The following PC variants were observed in gnomAD, a reference collection of about 807,000 sequenced individuals.
PC encodes pyruvate carboxylase, mitochondrial.
In PC, 46 loss-of-function variants were observed where a neutral mutation model predicts 107.8. The observed-to-expected ratio is 0.43, with a 90% CI of 0.34 to 0.55. The LOEUF (loss-of-function observed/expected upper bound fraction) is 0.55, where lower values mean the gene tolerates loss of function less well. PC is among the 20% of genes least tolerant of loss of function. The pLI is 0.04. For missense variants in PC, 1,241 were observed against 1,643.1 expected (o/e 0.76, Z 4.23); for synonymous variants, 662 against 684.7 (o/e 0.97, Z 0.52).
chr11:66,927,430 C>G (rs771204578), intron 3 of PC, among the ~76,000 whole-genome samples: 1 of 151,476 alleles, frequency 6.6e-6, no homozygotes, highest in Non-Finnish European at 1.5e-5. Context: ...TGTTAAAAAT[C>G]AGCCAGGCAA....
chr11:66,863,677 G>C, intron 12 of PC, 97 bp downstream of exon 12: 6 of 1,305,658 alleles, frequency 4.6e-6, no homozygotes, highest in Non-Finnish European at 6.4e-6. Flanking sequence ...GCAAGGCTGA[G>C]GTGAAGCCAT....
chr11:66,942,305 C>T (rs1459635218), intron 3 of PC, among the ~76,000 whole-genome samples: 3 of 149,778 alleles, frequency 2.0e-5, no homozygotes, highest in African/African-American at 7.4e-5. Context: ...GAGGCTGAGG[C>T]AGGAGAATGG....
In PC at chr11:66,857,271, C is replaced by G. The variant is rs1053465226; in HGVS notation, c.1369-3888G>C. 6.7e-6 allele frequency: 1 copy of G among 149,346 alleles called. No individual in the cohort carries two copies. The highest frequency in any genetic ancestry group is 1.5e-5 in the Non-Finnish European group (1 of 66,840). 9.3% of individuals were successfully genotyped at this position (149,346 alleles called of 1,614,324 possible). On this transcript the variant is annotated intron_variant, in intron 12 of 22. Transcript: ENST00000393960. This position sits in a 1 kb window ranked among gnomAD's most constrained non-coding sequence, Gnocchi z 7.1. ...GGCCGGGCTCGCAGGGAGGCCGGCCCGCGCCCCCTGAGCGACGGACACCAG... is the reference window on the plus strand; with the variant it reads ...GGCCGGGCTCGCAGGGAGGCCGGCCGGCGCCCCCTGAGCGACGGACACCAG...
intron 16 of PC, 122 bp downstream of exon 16, chr11:66,851,668 T>C (rs756515536): frequency 1.9e-6 from 2 of 1,033,680 alleles, no homozygotes; most frequent in Non-Finnish European, 3.0e-6. Flanking sequence ...CAGCCCCTGC[T>C]GCGTGTGGCC....
chr11:66,873,904 ATT>A, intron 3 of PC, among the ~76,000 whole-genome samples: 1 of 151,670 alleles, frequency 6.6e-6, no homozygotes, highest in Admixed American at 6.6e-5. Context: ...AGTAGCTGGG[ATT>A]ATAGGCATGC....
At chr11:66,918,693 A>C (rs762573286) in intron 3 of PC, among the ~76,000 whole-genome samples, 15 of 152,056 alleles carry the variant, frequency 9.9e-5, no homozygotes, top group Non-Finnish European at 1.9e-4. Context: ...TACTTCTGCC[A>C]TTCTCTTTTT....
At chr11:66,855,645 C>T (rs1372216869) in intron 12 of PC, among the ~76,000 whole-genome samples, 1 of 152,174 alleles carries the variant, frequency 6.6e-6, no homozygotes, top group Admixed American at 6.5e-5. Flanking sequence ...ATAGCTGGTG[C>T]CACTGCACAT....
At chr11:66,860,123 T>TG in intron 12 of PC, 5 of 1,550,510 alleles carry the variant, frequency 3.2e-6, no homozygotes, top group Non-Finnish European at 3.5e-6. Flanking sequence ...ACTCTGTGCA[T>TG]GGGGGGCTGC....
intron 12 of PC, among the ~76,000 whole-genome samples, chr11:66,856,381 G>A (rs938468134): frequency 9.2e-5 from 14 of 152,026 alleles, no homozygotes; most frequent in African/African-American, 3.4e-4. Context: ...CAGCTGGGGA[G>A]GGAGGGAGAG....
At chr11:66,958,037 G>A (rs770847410) in intron 1 of PC, 17 of 151,740 alleles carry the variant, frequency 1.1e-4, no homozygotes, top group Non-Finnish European at 5.9e-5. Flanking sequence ...GCAGCCCGCA[G>A]GCGGACGCTG....
intron 3 of PC, among the ~76,000 whole-genome samples, chr11:66,926,966 C>T (rs1315261667): frequency 6.6e-6 from 1 of 151,138 alleles, no homozygotes; most frequent in Non-Finnish European, 1.5e-5. Context: ...GGTTGATGAA[C>T]ATCTGGGTTG....
At chr11:66,949,607 G>T (rs370378453) in intron 3 of PC, among the ~76,000 whole-genome samples, 1 of 152,076 alleles carries the variant, frequency 6.6e-6, no homozygotes, top group African/African-American at 2.4e-5. Flanking sequence ...CAGAAGAATC[G>T]CTTGAACCAG....
chr11:66,908,456 C>T (rs1948232372), intron 3 of PC, among the ~76,000 whole-genome samples: 2 of 152,150 alleles, frequency 1.3e-5, no homozygotes, highest in Non-Finnish European at 2.9e-5. Flanking sequence ...CATGCTTGAA[C>T]ATACTATGAA....
chr11:66,925,923 T>TA lies in PC; in HGVS notation c.-1+26506dup, dbSNP rs61309968. 3.5e-3 allele frequency among the ~76,000 whole-genome samples: 471 copies of TA among 134,598 alleles called. 1 individual carries two copies. Among genetic ancestry groups the TA allele is most frequent in the African/African-American group, 5.2e-3 (189 of 36,570 alleles). 88.3% of individuals were successfully genotyped at this position (134,598 alleles called of 152,430 possible). A position where few individuals can be genotyped will look rare whatever the true frequency, so the allele number is the denominator to read the frequency against. ...GACTTCCCGCAACAGGGAGGGGAGT[T>TA]AAAAAAAAAAAAAAAAGAAGGCAAT... On this transcript the variant is annotated intron_variant, in intron 3 of 22. Coordinates refer to ENST00000393960, the MANE Select transcript of PC (RefSeq NM_001040716.2).
chr11:66,869,357 G>A (rs1043584366), intron 9 of PC, among the ~76,000 whole-genome samples: 1 of 151,682 alleles, frequency 6.6e-6, no homozygotes, highest in African/African-American at 2.4e-5. Context: ...CTGCTTGGAG[G>A]TGTTTTCAGA....
Position 66,851,837 on chromosome 11 carries a change from C to A in PC, c.1935G>T (p.Gly645=), listed in dbSNP as rs750469404. 6.2e-7 allele frequency: 1 copy of A among 1,614,156 alleles called. No homozygotes were observed. The highest frequency in any genetic ancestry group is 1.7e-5 in the Admixed American group (1 of 60,026). ...PNIPFQMLLR[G]ANAVGYTNYP... Reference sequence around the variant, plus strand: ...AGTTGGTGTAGCCCACAGCATTGGCCCCCCGCAGCAGCATCTGGAAAGGGA... The same window carrying A: ...AGTTGGTGTAGCCCACAGCATTGGCACCCCGCAGCAGCATCTGGAAAGGGA... Residue 645 remains glycine, a synonymous_variant, in exon 16 of 23, where the codon GGG becomes GGT. Transcript: ENST00000393960.
At chr11:66,863,295 G>A (rs1946352813) in intron 12 of PC, among the ~76,000 whole-genome samples, 1 of 152,158 alleles carries the variant, frequency 6.6e-6, no homozygotes, top group Non-Finnish European at 1.5e-5. Flanking sequence ...AGCCGAGATC[G>A]CGCCACTGCA....
At position 66,940,174 on chromosome 11, in the gene PC, G is replaced by A. The variant is rs763938245; in HGVS notation, c.-1+12256C>T. ...ATGTATCTGATAAGGGATTAATATCGAGAATACATAGAAAGTTCCCAAAAC... is the reference window on the plus strand; with the variant it reads ...ATGTATCTGATAAGGGATTAATATCAAGAATACATAGAAAGTTCCCAAAAC... On this transcript the variant is annotated intron_variant, in intron 3 of 22. Coordinates refer to ENST00000393960, the MANE Select transcript of PC (RefSeq NM_001040716.2). 3.5e-4 allele frequency among the ~76,000 whole-genome samples: 53 copies of A among 150,598 alleles called. 1 individual carries two copies. Among genetic ancestry groups the A allele is most frequent in the East Asian group, 3.9e-4 (2 of 5,122 alleles).
At chr11:66,865,948 C>T (rs971443446) in intron 11 of PC, among the ~76,000 whole-genome samples, 2 of 152,200 alleles carry the variant, frequency 1.3e-5, no homozygotes, top group Non-Finnish European at 2.9e-5. Flanking sequence ...CCAGCCTGCT[C>T]CCCGCTCCCA....
Sources: gnomAD v4.1 joint callset for allele counts (sites outside exome capture counted in the v4.1 genomes callset) on GRCh38, gnomAD v4.1.1 for gene constraint, Gnocchi (gnomAD v3.1) non-coding constraint, MANE v1.5 for transcripts, NCBI Gene and HGNC (gene_info 2026-07-23, HGNC 2026-07-21) for gene names.